Variants in PDZRN3 observed in about 807,000 individuals in gnomAD.
PDZRN3 encodes E3 ubiquitin-protein ligase PDZRN3.
PDZRN3 carries 38 observed loss-of-function variants against 85.7 expected under a neutral mutation model. The ratio of observed to expected loss-of-function variants is 0.44; its 90% CI spans 0.34 to 0.58. PDZRN3 has a LOEUF of 0.58. Among genes scored for constraint, PDZRN3 ranks in the 20% least tolerant of loss-of-function variants. The probability of loss-of-function intolerance (pLI) is 0.01; values close to 1 mark genes in which losing one functional copy is unlikely to be tolerated. For synonymous variants in PDZRN3, 759 were observed against 638.0 expected, an observed-to-expected ratio of 1.19 and a Z score of -2.86; for missense variants, 1,629 against 1,506.4, an observed-to-expected ratio of 1.08 and a Z score of -1.35.
chr3:73,547,610 C>T (rs1339792699), intron 3 of PDZRN3, among the ~76,000 whole-genome samples: 1 of 152,226 alleles, frequency 6.6e-6, no homozygotes, highest in Non-Finnish European at 1.5e-5. Flanking sequence ...AGAAGAGGCT[C>T]AGCTGGAAAT....
At chr3:73,532,487 G>C (rs1286730484) in intron 3 of PDZRN3, among the ~76,000 whole-genome samples, 1 of 152,216 alleles carries the variant, frequency 6.6e-6, no homozygotes, top group Admixed American at 6.5e-5. Flanking sequence ...GCCAGGCATT[G>C]TGCTGATGGC....
chr3:73,540,761 T>C (rs1017031505), intron 3 of PDZRN3, among the ~76,000 whole-genome samples: 1 of 152,196 alleles, frequency 6.6e-6, no homozygotes. Flanking sequence ...GTATTATCCA[T>C]TCTTGGGCAG....
intron 3 of PDZRN3, among the ~76,000 whole-genome samples, chr3:73,584,290 G>GA (rs200334036): frequency 3.9e-5 from 6 of 152,058 alleles, no homozygotes; most frequent in African/African-American, 1.2e-4. Context: ...GGAAGGAAAG[G>GA]AAAAAAATGA....
intron 3 of PDZRN3, among the ~76,000 whole-genome samples, chr3:73,465,506 T>C (rs1320681104): frequency 2.0e-5 from 3 of 152,178 alleles, no homozygotes; most frequent in Non-Finnish European, 4.4e-5. Context: ...AAAATATCCC[T>C]TTCCAATTTT....
chr3:73,399,001 T>C (rs1000403433), intron 5 of PDZRN3, among the ~76,000 whole-genome samples: 4 of 152,180 alleles, frequency 2.6e-5, no homozygotes, highest in African/African-American at 7.2e-5. Flanking sequence ...ATGGCCCAAA[T>C]TGGGCAGATA....
intron 3 of PDZRN3, among the ~76,000 whole-genome samples, chr3:73,525,090 C>T (rs1277606957): frequency 6.6e-6 from 1 of 150,940 alleles, no homozygotes; most frequent in Non-Finnish European, 1.5e-5. Context: ...ATGCCAGAGT[C>T]AAAAGGTCTG....
intron 4 of PDZRN3, 29 bp from the exon 5 acceptor site, chr3:73,401,038 CCTT>C: frequency 6.7e-7 from 1 of 1,502,396 alleles, no homozygotes; most frequent in Non-Finnish European, 9.3e-7. Context: ...TCTTTACAGC[CCTT>C]CTTCCGTTGT....
At chr3:73,611,676 A>G (rs1702687212) in intron 1 of PDZRN3, among the ~76,000 whole-genome samples, 1 of 152,204 alleles carries the variant, frequency 6.6e-6, no homozygotes, top group African/African-American at 2.4e-5. Context: ...ACTAATTACC[A>G]AAGGTTAATT....
intron 1 of PDZRN3, among the ~76,000 whole-genome samples, chr3:73,615,941 T>C (rs1474797540): frequency 6.6e-6 from 1 of 152,138 alleles, no homozygotes; most frequent in African/African-American, 2.4e-5. Context: ...AATTCCAACA[T>C]TGGAGGTGGG....
At chr3:73,570,271 A>G (rs1165678939) in intron 3 of PDZRN3, among the ~76,000 whole-genome samples, 5 of 152,232 alleles carry the variant, frequency 3.3e-5, no homozygotes, top group African/African-American at 1.2e-4. Context: ...ATGACAAAAC[A>G]AACGAATACT....
chr3:73,615,936 C>T (rs1162493209), intron 1 of PDZRN3, among the ~76,000 whole-genome samples: 2 of 152,092 alleles, frequency 1.3e-5, no homozygotes, highest in Non-Finnish European at 2.9e-5. Context: ...TATCTAATTC[C>T]AACATTGGAG....
At chr3:73,500,238 T>A (rs1458421653) in intron 3 of PDZRN3, among the ~76,000 whole-genome samples, 1 of 152,130 alleles carries the variant, frequency 6.6e-6, no homozygotes, top group Non-Finnish European at 1.5e-5. Context: ...TTGTACAGAC[T>A]GGGTCTCACT....
intron 3 of PDZRN3, among the ~76,000 whole-genome samples, chr3:73,512,826 T>A (rs980507950): frequency 6.6e-6 from 1 of 152,160 alleles, no homozygotes; most frequent in Non-Finnish European, 1.5e-5. Context: ...AAGCTGTTTT[T>A]AAAAAGACAC....
chr3:73,438,337 T>C (rs1390727348), intron 3 of PDZRN3, among the ~76,000 whole-genome samples: 1 of 152,244 alleles, frequency 6.6e-6, no homozygotes, highest in Non-Finnish European at 1.5e-5. Context: ...CTTATATTTA[T>C]TTAATTGCTG....
At chr3:73,551,185 T>C (rs1193451434) in intron 3 of PDZRN3, among the ~76,000 whole-genome samples, 2 of 152,186 alleles carry the variant, frequency 1.3e-5, no homozygotes, top group African/African-American at 4.8e-5. Flanking sequence ...CTGTTGTGGC[T>C]TATTAAGAAA....
chr3:73,486,617 G>A (rs1703666654), intron 3 of PDZRN3, among the ~76,000 whole-genome samples: 1 of 152,160 alleles, frequency 6.6e-6, no homozygotes, highest in Non-Finnish European at 1.5e-5. Flanking sequence ...GGTTAAAATA[G>A]TAAAATAATA....
intron 3 of PDZRN3, chr3:73,433,616 T>C (rs992954697): frequency 1.3e-6 from 2 of 1,487,412 alleles, no homozygotes; most frequent in South Asian, 2.4e-5. Context: ...TGCACTTCTA[T>C]GGAATAAAAT....
chr3:73,391,901 G>A (rs1701536077), intron 5 of PDZRN3, among the ~76,000 whole-genome samples: 1 of 152,014 alleles, frequency 6.6e-6, no homozygotes, highest in South Asian at 2.1e-4. Flanking sequence ...CTATTTGAAG[G>A]GCCACGTGAT....
chr3:73,440,713 T>C (rs1702618903), intron 3 of PDZRN3, among the ~76,000 whole-genome samples: 1 of 152,098 alleles, frequency 6.6e-6, no homozygotes, highest in Admixed American at 6.5e-5. Context: ...GCTAACTCTT[T>C]GGAATGAACA....
Sources: gnomAD v4.1 joint callset for allele counts (sites outside exome capture counted in the v4.1 genomes callset) on GRCh38, gnomAD v4.1.1 for gene constraint, MANE v1.5 for transcripts, NCBI Gene and HGNC (gene_info 2026-07-23, HGNC 2026-07-21) for gene names.